TBC1D5: variants seen among roughly 807,000 people sequenced by gnomAD.
TBC1D5 encodes TBC1 domain family, member 5.
Under a neutral mutation model 100.3 loss-of-function variants are expected in TBC1D5, and 75 were observed. The observed-to-expected ratio is 0.75, with a 90% confidence interval of 0.62 to 0.91. The LOEUF (loss-of-function observed/expected upper bound fraction) is 0.91. TBC1D5 is among the 40% of genes least tolerant of loss of function. TBC1D5 has a pLI of 0.00. For missense variants in TBC1D5, 910 were observed against 942.4 expected (o/e 0.97, Z 0.45); for synonymous variants, 323 against 325.6 (o/e 0.99, Z 0.09).
intron 4 of TBC1D5, among the ~76,000 whole-genome samples, chr3:17,422,637 C>G (rs1326500187): frequency 1.3e-5 from 2 of 152,134 alleles, no homozygotes; most frequent in Non-Finnish European, 2.9e-5. Context: ...TACTAAATCA[C>G]TGTTTCATTG....
At chr3:17,446,242 A>G (rs921279693) in intron 3 of TBC1D5, among the ~76,000 whole-genome samples, 1 of 152,184 alleles carries the variant, frequency 6.6e-6, no homozygotes. Flanking sequence ...AATTTGGTCA[A>G]ACTCCCTTTA....
At chr3:17,282,064 A>T (rs1197627828) in intron 15 of TBC1D5, among the ~76,000 whole-genome samples, 5 of 152,218 alleles carry the variant, frequency 3.3e-5, no homozygotes, top group African/African-American at 1.2e-4. Context: ...AGGTAGTCAC[A>T]GCACTTAAAG....
At chr3:17,279,978 C>T (rs1391597885) in intron 15 of TBC1D5, among the ~76,000 whole-genome samples, 1 of 152,196 alleles carries the variant, frequency 6.6e-6, no homozygotes, top group Non-Finnish European at 1.5e-5. Flanking sequence ...TGAACATCGA[C>T]TTCTCCTCCG....
intron 19 of TBC1D5, among the ~76,000 whole-genome samples, chr3:17,177,488 A>G (rs2067906075): frequency 6.6e-6 from 1 of 152,198 alleles, no homozygotes; most frequent in African/African-American, 2.4e-5. Context: ...CTCTGCCCAG[A>G]GTTTAGGTGC....
At chr3:17,487,897 C>T (rs1349152314) in intron 3 of TBC1D5, among the ~76,000 whole-genome samples, 1 of 152,184 alleles carries the variant, frequency 6.6e-6, no homozygotes, top group Non-Finnish European at 1.5e-5. Context: ...TTCATACCTA[C>T]TCTACCACAC....
intron 3 of TBC1D5, among the ~76,000 whole-genome samples, chr3:17,455,486 ATATGTG>A (rs2095057845): frequency 2.2e-5 from 3 of 138,542 alleles, no homozygotes; most frequent in African/African-American, 6.0e-5. Context: ...ATATGTATAT[ATATGTG>A]TATATATATA....
chr3:17,466,672 T>C (rs1277061461), intron 3 of TBC1D5, among the ~76,000 whole-genome samples: 1 of 152,232 alleles, frequency 6.6e-6, no homozygotes, highest in African/African-American at 2.4e-5. Context: ...TCTTTTTTTT[T>C]CTCTTCATGT....
intron 21 of TBC1D5, among the ~76,000 whole-genome samples, chr3:17,162,729 G>GAA (rs2066192560): frequency 6.6e-6 from 1 of 152,208 alleles, no homozygotes; most frequent in African/African-American, 2.4e-5. Context: ...TGAGTTGGAG[G>GAA]AAAAGAACTC....
chr3:17,719,256 A>T (rs2075495938), intron 1 of TBC1D5, among the ~76,000 whole-genome samples: 1 of 152,210 alleles, frequency 6.6e-6, no homozygotes, highest in African/African-American at 2.4e-5. Context: ...GAGAAGCTGC[A>T]GTGTTATGTA....
At chr3:17,351,196 G>C (rs1322884706) in intron 13 of TBC1D5, among the ~76,000 whole-genome samples, 3 of 152,114 alleles carry the variant, frequency 2.0e-5, no homozygotes, top group African/African-American at 7.2e-5. Context: ...ACTGGTTGCT[G>C]TTCATGCATT....
At chr3:17,705,560 C>T (rs1408285595) in intron 1 of TBC1D5, among the ~76,000 whole-genome samples, 4 of 135,400 alleles carry the variant, frequency 3.0e-5, no homozygotes, top group East Asian at 2.4e-4. Flanking sequence ...CGCTCCTCAC[C>T]TCCCAGACGG....
intron 2 of TBC1D5, among the ~76,000 whole-genome samples, chr3:17,561,714 G>C (rs895305107): frequency 1.3e-5 from 2 of 152,040 alleles, no homozygotes; most frequent in African/African-American, 2.4e-5. Context: ...AAATAAGAAA[G>C]GACAAATCTG....
At chr3:17,269,017 A>G (rs1441880005) in intron 15 of TBC1D5, among the ~76,000 whole-genome samples, 1 of 152,162 alleles carries the variant, frequency 6.6e-6, no homozygotes, top group Non-Finnish European at 1.5e-5. Context: ...CCAGGAAGAA[A>G]TGCCTGGAAA....
intron 15 of TBC1D5, among the ~76,000 whole-genome samples, chr3:17,263,902 G>A (rs761156649): frequency 6.6e-6 from 1 of 152,076 alleles, no homozygotes; most frequent in Admixed American, 6.6e-5. Flanking sequence ...AACTGAAATC[G>A]ATCTAAGTTA....
chr3:17,327,310 G>A (rs183727332), intron 13 of TBC1D5, among the ~76,000 whole-genome samples: 21 of 152,292 alleles, frequency 1.4e-4, no homozygotes, highest in African/African-American at 3.6e-4. Flanking sequence ...TCTAGTCACT[G>A]ATTCCAGAGA....
In TBC1D5 at chr3:17,591,250, AAAAAAAAAAAAAAAAAC is replaced by A. The variant is rs1259457432; in HGVS notation, c.-36+32582_-36+32598del. ...GGATCTGTCAAAAAAAAAAAAAAAA[AAAAAAAAAAAAAAAAAC>A]AAAAACCCCAGAGAATCATGGCCCC... On this transcript the variant is annotated intron_variant, in intron 2 of 21. Transcript: ENST00000253692. Among the ~76,000 whole-genome samples the A allele has an allele frequency of 1.8e-3, 244 of 137,090 alleles. 3 individuals are homozygous for A. The highest frequency in any genetic ancestry group is 7.3e-3 in the South Asian group (29 of 3,976). The allele number at this position is 137,090 out of a possible 152,430, so 89.9% of individuals were successfully genotyped here.
At chr3:17,462,318 C>G (rs1385549629) in intron 3 of TBC1D5, among the ~76,000 whole-genome samples, 1 of 140,982 alleles carries the variant, frequency 7.1e-6, no homozygotes, top group Non-Finnish European at 1.5e-5. Context: ...TGTTTCGGAC[C>G]TTAATTTTTT....
intron 1 of TBC1D5, among the ~76,000 whole-genome samples, chr3:17,677,802 A>G (rs2068845064): frequency 6.6e-6 from 1 of 152,236 alleles, no homozygotes; most frequent in Non-Finnish European, 1.5e-5. Context: ...TACACCATGG[A>G]ATACAATGCA....
exon 22 of TBC1D5, chr3:17,157,178 G>GTCT (rs1402700149): frequency 1.3e-5 from 2 of 152,268 alleles, no homozygotes; most frequent in Admixed American, 1.3e-4. Context: ...TTTGACATTA[G>GTCT]TCTTTTATTA....
Sources: allele counts gnomAD v4.1 joint callset (sites outside exome capture counted in the v4.1 genomes callset), GRCh38; gene constraint gnomAD v4.1.1; transcripts MANE v1.5; gene names NCBI Gene and HGNC (gene_info 2026-07-23, HGNC 2026-07-21).